Variants in ASTN2 observed in about 807,000 individuals in gnomAD.
ASTN2 encodes astrotactin 2.
ASTN2 carries 54 observed loss-of-function variants against 139.8 expected under a neutral mutation model. That is an observed-to-expected ratio of 0.39 (90% CI 0.31 to 0.48). ASTN2 has a LOEUF of 0.48. ASTN2 is among the 20% of genes least tolerant of loss of function. The probability of loss-of-function intolerance (pLI) is 0.95; values close to 1 mark genes in which losing one functional copy is unlikely to be tolerated. For missense variants in ASTN2, 1,565 were observed against 1,725.1 expected (o/e 0.91, Z 1.64); for synonymous variants, 756 against 719.5 (o/e 1.05, Z -0.81).
At chr9:116,665,561 T>G (rs1858812070) in intron 16 of ASTN2, among the ~76,000 whole-genome samples, 1 of 152,172 alleles carries the variant, frequency 6.6e-6, no homozygotes, top group African/African-American at 2.4e-5. Context: ...GGTTTCTAAA[T>G]GCTATTTTTC....
intron 19 of ASTN2, among the ~76,000 whole-genome samples, chr9:116,556,410 T>G (rs1374086903): frequency 1.3e-5 from 2 of 152,096 alleles, no homozygotes; most frequent in East Asian, 3.9e-4. Context: ...AGAGGATTGC[T>G]TGAGACCAGG....
intron 2 of ASTN2, among the ~76,000 whole-genome samples, chr9:117,290,229 G>C (rs1473544922): frequency 1.3e-5 from 2 of 152,154 alleles, no homozygotes; most frequent in African/African-American, 4.8e-5. Context: ...AAGAAAAGGA[G>C]AAGTGAATGT....
intron 16 of ASTN2, among the ~76,000 whole-genome samples, chr9:116,707,619 G>T (rs1828028133): frequency 1.3e-5 from 2 of 151,988 alleles, no homozygotes; most frequent in South Asian, 2.1e-4. Context: ...TAAAACAGAG[G>T]TTCACAATTT....
At chr9:117,127,708 T>C (rs371292187) in intron 4 of ASTN2, among the ~76,000 whole-genome samples, 9 of 117,480 alleles carry the variant, frequency 7.7e-5, no homozygotes, top group African/African-American at 2.9e-4. Flanking sequence ...TGAGACAGAG[T>C]CTCACTCTGT....
At chr9:117,311,360 G>A (rs931431879) in intron 1 of ASTN2, among the ~76,000 whole-genome samples, 2 of 152,090 alleles carry the variant, frequency 1.3e-5, no homozygotes, top group Non-Finnish European at 2.9e-5. Flanking sequence ...GGTCTGGAAT[G>A]ATTTTCAGAG....
At chr9:117,319,509 A>G (rs542751963) in intron 1 of ASTN2, among the ~76,000 whole-genome samples, 121 of 151,696 alleles carry the variant, frequency 8.0e-4, no homozygotes, top group African/African-American at 2.8e-3. Context: ...GTTCCCTGCA[A>G]CCTCCACCGC....
chr9:117,362,228 C>A (rs1829712095), intron 1 of ASTN2, among the ~76,000 whole-genome samples: 1 of 152,184 alleles, frequency 6.6e-6, no homozygotes, highest in South Asian at 2.1e-4. Flanking sequence ...ACTACCTTGG[C>A]CTCCCAAAGT....
At chr9:116,517,393 T>C (rs961435828) in intron 19 of ASTN2, among the ~76,000 whole-genome samples, 1 of 152,142 alleles carries the variant, frequency 6.6e-6, no homozygotes, top group African/African-American at 2.4e-5. Context: ...GTGGCTAGAC[T>C]CATAAGAGCA....
At chr9:116,785,964 G>T (rs1021276822) in intron 13 of ASTN2, among the ~76,000 whole-genome samples, 3 of 152,162 alleles carry the variant, frequency 2.0e-5, no homozygotes, top group Non-Finnish European at 4.4e-5. Flanking sequence ...GCATTTAGGA[G>T]TCCCACAGGA....
chr9:117,047,380 A>G (rs1439448048), intron 5 of ASTN2, among the ~76,000 whole-genome samples: 1 of 152,046 alleles, frequency 6.6e-6, no homozygotes, highest in Non-Finnish European at 1.5e-5. Flanking sequence ...CTTTGTCATG[A>G]ACTAATCTCT....
At chr9:116,955,535 T>C (rs1371829206) in intron 10 of ASTN2, among the ~76,000 whole-genome samples, 1 of 152,264 alleles carries the variant, frequency 6.6e-6, no homozygotes, top group African/African-American at 2.4e-5. Context: ...TAGTGAATGC[T>C]TGTCAGTTAT....
chr9:117,204,650 G>A (rs1013217831), intron 3 of ASTN2, among the ~76,000 whole-genome samples: 1 of 152,144 alleles, frequency 6.6e-6, no homozygotes, highest in Non-Finnish European at 1.5e-5. Flanking sequence ...GATAACTGAT[G>A]TAGAAACTGA....
rs140387349 is a variant in ASTN2 at position 116,758,856 on chromosome 9, A to G, written c.2397-25333T>C. On this transcript the variant is annotated intron_variant, in intron 13 of 22. Coordinates refer to ENST00000313400, the MANE Select transcript of ASTN2 (RefSeq NM_001365068.1). ...GTATAGTGCTTGGCTTAGTGGACAC[A>G]AACACATGTTGGATAAATAAGCCAC... Among the ~76,000 whole-genome samples the G allele has an allele frequency of 0.013, 1,938 of 152,232 alleles. 80 individuals are homozygous for G. The South Asian group carries it at 0.16, about 13-fold the overall frequency.
At chr9:117,308,514 G>A (rs1301562623) in intron 1 of ASTN2, among the ~76,000 whole-genome samples, 5 of 152,160 alleles carry the variant, frequency 3.3e-5, no homozygotes, top group Non-Finnish European at 7.3e-5. Flanking sequence ...GAAGCAGGAT[G>A]TGTTACTACT....
chr9:116,660,554 G>T (rs931498954), intron 16 of ASTN2, among the ~76,000 whole-genome samples: 1 of 152,150 alleles, frequency 6.6e-6, no homozygotes, highest in Non-Finnish European at 1.5e-5. Context: ...AATATCCAAT[G>T]CTAGCGTGTC....
intron 14 of ASTN2, 106 bp from the exon 15 acceptor site, chr9:116,729,202 G>T: frequency 1.2e-6 from 1 of 819,302 alleles, no homozygotes; most frequent in Non-Finnish European, 1.9e-6. Flanking sequence ...CCTCTTTGAA[G>T]TACAACTTTC....
intron 13 of ASTN2, among the ~76,000 whole-genome samples, chr9:116,760,141 G>C (rs1248340486): frequency 1.3e-5 from 2 of 152,204 alleles, no homozygotes; most frequent in Non-Finnish European, 2.9e-5. Flanking sequence ...CATGGACACA[G>C]ATCTTTCATC....
chr9:117,060,750 C>A (rs1422740005), intron 5 of ASTN2, among the ~76,000 whole-genome samples: 2 of 151,668 alleles, frequency 1.3e-5, no homozygotes, highest in Admixed American at 6.6e-5. Flanking sequence ...AAAAAATTAG[C>A]CGGGTGTGAT....
At chr9:116,632,205 A>AAAAGAAAGAAAGAAAGAAAGAAAG (rs1554723306) in intron 17 of ASTN2, among the ~76,000 whole-genome samples, 3 of 45,302 alleles carry the variant, frequency 6.6e-5, no homozygotes, top group African/African-American at 1.1e-4. Context: ...AGAAAGAAAG[A>AAAAGAAAGAAAGAAAGAAAGAAAG]AAAGAAAGAA....
Sources: allele counts gnomAD v4.1 joint callset (sites outside exome capture counted in the v4.1 genomes callset), GRCh38; gene constraint gnomAD v4.1.1; transcripts MANE v1.5; gene names NCBI Gene and HGNC (gene_info 2026-07-23, HGNC 2026-07-21).